Variants in RSBN1L observed in about 807,000 individuals in gnomAD.
RSBN1L encodes lysine-specific demethylase RSBN1L.
RSBN1L carries 30 observed loss-of-function variants against 67.7 expected under a neutral mutation model. The observed-to-expected ratio is 0.44, with a 90% CI of 0.33 to 0.60. The LOEUF is 0.60. Ranked by LOEUF, RSBN1L falls within the 20% of genes least tolerant of loss-of-function variation. The pLI, the probability that RSBN1L is intolerant of heterozygous loss-of-function variation, is 0.02. For synonymous variants in RSBN1L, 433 were observed against 387.0 expected (o/e 1.12, Z -1.39); for missense variants, 992 against 1,031.7 (o/e 0.96, Z 0.53).
At chr7:77,756,612 TAAAAA>T (rs566014788) in intron 3 of RSBN1L, among the ~76,000 whole-genome samples, 336 of 151,524 alleles carry the variant, frequency 2.2e-3, no homozygotes, top group Non-Finnish European at 3.8e-3. Context: ...CCGTTTCTAA[TAAAAA>T]AAATACAAAA....
intron 1 of RSBN1L, among the ~76,000 whole-genome samples, chr7:77,709,182 G>A (rs867602548): frequency 0.022 from 3,025 of 135,324 alleles, 83 homozygotes; most frequent in African/African-American, 0.073. Context: ...GTGTGTGTGT[G>A]TGTGTGTGTG....
At chr7:77,705,032 T>G (rs1324625820) in intron 1 of RSBN1L, among the ~76,000 whole-genome samples, 1 of 151,916 alleles carries the variant, frequency 6.6e-6, no homozygotes, top group Non-Finnish European at 1.5e-5. Flanking sequence ...AGAGTGAGAT[T>G]CTTCCTCTAC....
chr7:77,775,979 C>G (rs1354918405), intron 6 of RSBN1L, among the ~76,000 whole-genome samples: 1 of 152,026 alleles, frequency 6.6e-6, no homozygotes, highest in African/African-American at 2.4e-5. Flanking sequence ...TCGCTTGAAC[C>G]TAGGAGGTGA....
At chr7:77,705,988 C>T (rs1790886500) in intron 1 of RSBN1L, among the ~76,000 whole-genome samples, 2 of 152,038 alleles carry the variant, frequency 1.3e-5, no homozygotes, top group South Asian at 4.2e-4. Context: ...GTAACCTCCA[C>T]CTCCCAGGTT....
intron 1 of RSBN1L, among the ~76,000 whole-genome samples, chr7:77,700,191 A>G (rs1456930795): frequency 6.6e-6 from 1 of 152,170 alleles, no homozygotes; most frequent in Non-Finnish European, 1.5e-5. Context: ...AAGACTGAAT[A>G]AATTGTAGAA....
In RSBN1L at chr7:77,715,991, ACTC is replaced by A. The variant is rs368406634; in HGVS notation, c.586+18939_586+18941del. On this transcript the variant is annotated intron_variant, in intron 1 of 7. Coordinates refer to ENST00000334955, the MANE Select transcript of RSBN1L (RefSeq NM_198467.3). ...AAGTTCTTTACATATTCTGGGTAGA[ACTC>A]CTTTATCAGATACATGTTTTGCAAA... is the stretch of plus-strand genomic sequence containing the variant. Among the ~76,000 whole-genome samples, 450 of 151,414 alleles carry A rather than the reference ACTC, an allele frequency of 3.0e-3. 5 individuals carry two copies. The highest frequency in any genetic ancestry group is 0.019 in the Admixed American group (291 of 15,206).
At chr7:77,714,135 CAT>C (rs1491546332) in intron 1 of RSBN1L, among the ~76,000 whole-genome samples, 2 of 152,218 alleles carry the variant, frequency 1.3e-5, no homozygotes, top group East Asian at 3.8e-4. Flanking sequence ...CTAACACCCT[CAT>C]TACTCTATCT....
At chr7:77,716,789 G>A (rs1438969868) in intron 1 of RSBN1L, among the ~76,000 whole-genome samples, 4 of 151,128 alleles carry the variant, frequency 2.6e-5, no homozygotes, top group East Asian at 3.9e-4. Flanking sequence ...GCACCACCAC[G>A]CCAGGCTATT....
intron 2 of RSBN1L, among the ~76,000 whole-genome samples, chr7:77,746,026 C>G (rs1026287197): frequency 6.6e-6 from 1 of 152,156 alleles, no homozygotes; most frequent in South Asian, 2.1e-4. Flanking sequence ...GATGAAGCTT[C>G]GCTGGCTCGC....
At chr7:77,777,351 G>C (rs969397347) in intron 6 of RSBN1L, among the ~76,000 whole-genome samples, 1 of 151,320 alleles carries the variant, frequency 6.6e-6, no homozygotes, top group Non-Finnish European at 1.5e-5. Context: ...CCTTTTCATA[G>C]ATCTACATTT....
intron 3 of RSBN1L, among the ~76,000 whole-genome samples, chr7:77,750,608 A>G (rs1224644202): frequency 6.6e-6 from 1 of 152,126 alleles, no homozygotes; most frequent in Non-Finnish European, 1.5e-5. Flanking sequence ...GAGAATATAT[A>G]TTATTCTGGA....
chr7:77,718,431 C>T (rs2150415359), intron 1 of RSBN1L, among the ~76,000 whole-genome samples: 1 of 152,210 alleles, frequency 6.6e-6, no homozygotes, highest in Non-Finnish European at 1.5e-5. Context: ...ACTGGGACTA[C>T]AAGTGCACGA....
chr7:77,709,286 T>C (rs1458503927), intron 1 of RSBN1L, among the ~76,000 whole-genome samples: 1 of 151,992 alleles, frequency 6.6e-6, no homozygotes, highest in Admixed American at 6.6e-5. Flanking sequence ...GCAGTAGTTA[T>C]TTTTTTCTTT....
intron 1 of RSBN1L, among the ~76,000 whole-genome samples, chr7:77,706,315 A>G (rs1189721271): frequency 2.0e-5 from 3 of 152,012 alleles, no homozygotes; most frequent in Admixed American, 1.3e-4. Context: ...TGACCTCATG[A>G]TCTGCCTGCC....
intron 2 of RSBN1L, among the ~76,000 whole-genome samples, chr7:77,744,208 A>G (rs1791450672): frequency 6.6e-6 from 1 of 151,676 alleles, no homozygotes; most frequent in Admixed American, 6.6e-5. Flanking sequence ...ATTAAAAAAA[A>G]AAGATTTTGT....
chr7:77,697,223 G>A lies in RSBN1L; in HGVS notation c.586+168G>A, dbSNP rs140306536. The A allele has an allele frequency of 2.7e-4, 173 of 632,308 alleles. No individual in the cohort carries two copies. The African/African-American group carries it at 2.8e-3, about 10-fold the overall frequency. 39.2% of individuals were successfully genotyped at this position (632,308 alleles called of 1,614,324 possible). A position where few individuals can be genotyped will look rare whatever the true frequency, so the allele number is the denominator to read the frequency against. On this transcript the variant is annotated intron_variant, in intron 1 of 7. Transcript: ENST00000334955. ...GATTTTGCAGTTCCCAAGGGGACAGGAAATGGAGCCTGTAATTTCGGTTGC... is the reference window on the plus strand; with the variant it reads ...GATTTTGCAGTTCCCAAGGGGACAGAAAATGGAGCCTGTAATTTCGGTTGC...
rs1791801180 is a variant in RSBN1L at position 77,768,327 on chromosome 7, C to T, written c.1483-334C>T. On this transcript the variant is annotated intron_variant, in intron 4 of 7. Coordinates refer to ENST00000334955, the MANE Select transcript of RSBN1L (RefSeq NM_198467.3). ...ATTTAATTGTTCATTTTTATAGATT[C>T]TTATGAGAGCACTTGCTTATTTAGT... The T allele has an allele frequency of 1.7e-5, 3 of 175,198 alleles. No individual in the cohort carries two copies. The South Asian group carries it at 5.6e-4, about 33-fold the overall frequency. The allele number at this position is 175,198 out of a possible 1,614,324, so 10.9% of individuals were successfully genotyped here. A position where few individuals can be genotyped will look rare whatever the true frequency, so the allele number is the denominator to read the frequency against.
chr7:77,772,005 A>G (rs1791856849), intron 5 of RSBN1L, among the ~76,000 whole-genome samples: 1 of 152,144 alleles, frequency 6.6e-6, no homozygotes, highest in Non-Finnish European at 1.5e-5. Context: ...ATAATAGTCT[A>G]ACAAAAACAG....
chr7:77,698,032 CTT>C (rs142028684), intron 1 of RSBN1L, among the ~76,000 whole-genome samples: 2,979 of 152,302 alleles, frequency 0.02, 84 homozygotes, highest in African/African-American at 0.067. Flanking sequence ...TCAAATAACT[CTT>C]TTTGTTTTTT....
Sources: allele counts gnomAD v4.1 joint callset (sites outside exome capture counted in the v4.1 genomes callset), GRCh38; gene constraint gnomAD v4.1.1; transcripts MANE v1.5; gene names NCBI Gene and HGNC (gene_info 2026-07-23, HGNC 2026-07-21).